Variants in NDUFAF1 observed in about 807,000 individuals in gnomAD.
The protein encoded by NDUFAF1 is NADH:ubiquinone oxidoreductase complex assembly factor 1.
Under a neutral mutation model 28.7 loss-of-function variants are expected in NDUFAF1, and 18 were observed. That is an observed-to-expected ratio of 0.63 (90% CI 0.43 to 0.93). The LOEUF (loss-of-function observed/expected upper bound fraction) is 0.93, where lower values mean the gene tolerates loss of function less well. Ranked by LOEUF, NDUFAF1 falls within the 40% of genes least tolerant of loss-of-function variation. NDUFAF1 has a pLI of 0.00. For synonymous variants in NDUFAF1, 113 were observed against 139.7 expected, an observed-to-expected ratio of 0.81 and a Z score of 1.35; for missense variants, 404 against 398.3, an observed-to-expected ratio of 1.01 and a Z score of -0.12.
chr15:41,399,302 A>C (rs1437320491), intron 1 of NDUFAF1, among the ~76,000 whole-genome samples: 1 of 151,838 alleles, frequency 6.6e-6, no homozygotes, highest in Non-Finnish European at 1.5e-5. Flanking sequence ...AGGCCTAGGC[A>C]TAAGAATCGC....
At chr15:41,401,521 A>G (rs1244428796) in intron 1 of NDUFAF1, among the ~76,000 whole-genome samples, 1 of 139,718 alleles carries the variant, frequency 7.2e-6, no homozygotes, top group Non-Finnish European at 1.5e-5. Flanking sequence ...TGTAACCTCC[A>G]CCTCCTGGTT....
At chr15:41,398,677 G>A (rs918569585) in intron 1 of NDUFAF1, among the ~76,000 whole-genome samples, 3 of 151,898 alleles carry the variant, frequency 2.0e-5, no homozygotes, top group Non-Finnish European at 2.9e-5. Flanking sequence ...AATGTTGGCC[G>A]GGTGCCGTGC....
chr15:41,394,890 G>A lies in NDUFAF1; in HGVS notation c.728C>T (p.Thr243Ile), dbSNP rs2050363282. The change falls in exon 3 of 5, where the codon ACC becomes ATC. Residue 243 changes from threonine (T) to isoleucine (I), a missense_variant. Thr to Ile is a moderately conservative substitution (Grantham distance 89, BLOSUM62 -1). Transcript: ENST00000260361. Reference protein sequence around the residue: ...TNQMYSYFMFTRGGPYWQEVK... With the variant: ...TNQMYSYFMFIRGGPYWQEVK... The stretch of plus-strand genomic sequence containing the variant: ...CTCCTGCCAGTAGGGTCCCCCGCGG[G>A]TGAACATGAAGTAACTATACATCTG... 6.2e-7 allele frequency: 1 copy of A among 1,613,988 alleles called. No homozygotes were observed. Among genetic ancestry groups the A allele is most frequent in the Non-Finnish European group, 8.5e-7 (1 of 1,180,000 alleles).
intron 3 of NDUFAF1, among the ~76,000 whole-genome samples, chr15:41,392,279 G>A (rs58195366): frequency 6.6e-6 from 1 of 152,010 alleles, no homozygotes; most frequent in East Asian, 1.9e-4. Flanking sequence ...TCACCATGTA[G>A]ACCAGGCTGG....
chr15:41,395,919 C>A (rs2050381130), intron 2 of NDUFAF1, among the ~76,000 whole-genome samples: 1 of 151,704 alleles, frequency 6.6e-6, no homozygotes, highest in African/African-American at 2.4e-5. Flanking sequence ...GAAACCCTGT[C>A]TCTACTAAAA....
chr15:41,402,117 G>T (rs745748854), intron 1 of NDUFAF1, 27 bp downstream of exon 1: 3 of 436,518 alleles, frequency 6.9e-6, no homozygotes, highest in African/African-American at 2.0e-5. Flanking sequence ...GAAGTGAGTA[G>T]AATTAGTAAA....
Position 41,396,593 on chromosome 15 carries a change from T to C in NDUFAF1, c.467A>G (p.Lys156Arg), listed in dbSNP as rs1668909274. Residue 156 changes from lysine (K) to arginine (R), a missense_variant, in exon 2 of 5, where the codon AAG (lysine) becomes AGG (arginine). By Grantham distance (26) the Lys-to-Arg change is conservative. Transcript: ENST00000260361. ...ATATAGCAGTGCACTTTGGTTATTC[T>C]TGCCCATTTTCAAAAACACTTCACT... is the stretch of plus-strand genomic sequence containing the variant. Reference protein sequence around the residue: ...GRSEVFLKMGKNNQSALLYGT... With the variant: ...GRSEVFLKMGRNNQSALLYGT... 2 of 1,614,080 alleles carry C rather than the reference T, an allele frequency of 1.2e-6. No individual in the cohort carries two copies. The highest frequency in any genetic ancestry group is 1.7e-6 in the Non-Finnish European group (2 of 1,180,020).
chr15:41,398,062 A>G (rs1280512298), intron 1 of NDUFAF1, among the ~76,000 whole-genome samples: 4 of 150,960 alleles, frequency 2.6e-5, no homozygotes, highest in Admixed American at 2.6e-4. Flanking sequence ...AAAGAAAAAG[A>G]AATAGATCTC....
At chr15:41,394,724 G>T (rs1178730134) in intron 3 of NDUFAF1, 135 bp downstream of exon 3, 1 of 761,218 alleles carries the variant, frequency 1.3e-6, no homozygotes. Flanking sequence ...CACCATGTTG[G>T]CCAACCTGGT....
intron 4 of NDUFAF1, among the ~76,000 whole-genome samples, chr15:41,388,077 T>A (rs1204983835): frequency 1.6e-4 from 25 of 152,114 alleles, no homozygotes; most frequent in Admixed American, 1.6e-3. Context: ...GCCACTGCAC[T>A]CCAGCCTGAG....
chr15:41,400,424 C>G (rs1018803878), intron 1 of NDUFAF1, among the ~76,000 whole-genome samples: 6 of 151,240 alleles, frequency 4.0e-5, no homozygotes, highest in Admixed American at 4.0e-4. Context: ...TCAGACGAGT[C>G]TCTAACTCCT....
intron 2 of NDUFAF1, among the ~76,000 whole-genome samples, chr15:41,395,561 G>A (rs546964407): frequency 1.1e-4 from 16 of 151,144 alleles, no homozygotes; most frequent in Admixed American, 2.6e-4. Context: ...TAGTAGAGAC[G>A]GGGTTTCACC....
At chr15:41,395,648 G>A (rs1314945847) in intron 2 of NDUFAF1, among the ~76,000 whole-genome samples, 1 of 148,812 alleles carries the variant, frequency 6.7e-6, no homozygotes, top group Non-Finnish European at 1.5e-5. Context: ...GGGATTACAG[G>A]CATGAGCCAC....
rs546326648 is a variant in NDUFAF1, at chr15:41,401,395, C to T, written c.-82+749G>A. Among the ~76,000 whole-genome samples the T allele has an allele frequency of 2.1e-3, 323 of 150,698 alleles. 5 individuals are homozygous for T. Among genetic ancestry groups the T allele is most frequent in the Non-Finnish European group, 5.5e-4 (37 of 67,650 alleles). The stretch of plus-strand genomic sequence containing the variant: ...AAGTGCTTCTCCTGCCTCTGCCTCC[C>T]GAGTGGCTGAAATTACAGGTGCCCG... On this transcript the variant is annotated intron_variant, in intron 1 of 4. Transcript: ENST00000260361.
intron 2 of NDUFAF1, 67 bp downstream of exon 2, chr15:41,396,418 CTA>C (rs1267764808): frequency 2.7e-6 from 4 of 1,468,786 alleles, no homozygotes; most frequent in Middle Eastern, 1.7e-4. Context: ...AAGCTATCTT[CTA>C]TAGTTTATGC....
At chr15:41,387,677 G>A in intron 4 of NDUFAF1, 84 bp from the exon 5 acceptor site, 2 of 1,198,326 alleles carry the variant, frequency 1.7e-6, no homozygotes. Flanking sequence ...CCCATCAGGT[G>A]ATGATTATAA....
chr15:41,402,728 C>CT (rs557825524), upstream of NDUFAF1, among the ~76,000 whole-genome samples: 5,857 of 120,870 alleles, frequency 0.048, 357 homozygotes, highest in Admixed American at 0.13. Context: ...ATCCCTGCGT[C>CT]TTTTTTTTTT....
chr15:41,393,536 C>T (rs1208757981), intron 3 of NDUFAF1, among the ~76,000 whole-genome samples: 1 of 151,464 alleles, frequency 6.6e-6, no homozygotes, highest in Non-Finnish European at 1.5e-5. Context: ...GTGATCCACC[C>T]GCCTCAGCCT....
intron 1 of NDUFAF1, among the ~76,000 whole-genome samples, chr15:41,400,688 ATTTTTTTTTTTTTTT>A (rs58010983): frequency 1.0e-5 from 1 of 97,822 alleles, no homozygotes; most frequent in Non-Finnish European, 1.9e-5. Flanking sequence ...ATGCCCAGCT[ATTTTTTTTTTTTTTT>A]TTTTTTTGGA....
Sources: gnomAD v4.1 joint callset for allele counts (sites outside exome capture counted in the v4.1 genomes callset) on GRCh38, gnomAD v4.1.1 for gene constraint, MANE v1.5 for transcripts, NCBI Gene and HGNC (gene_info 2026-07-23, HGNC 2026-07-21) for gene names.